The following LRBA variants were observed in gnomAD, a reference collection of about 807,000 sequenced individuals.
LRBA encodes LPS responsive beige-like anchor protein.
A neutral mutation model predicts 330.0 loss-of-function variants in LRBA; 176 were observed. The observed-to-expected ratio is 0.53, with a 90% CI of 0.47 to 0.60. LRBA has a LOEUF of 0.60. LRBA is among the 20% of genes least tolerant of loss of function. The probability of loss-of-function intolerance (pLI) is 0.00; values close to 1 mark genes in which losing one functional copy is unlikely to be tolerated. For missense variants in LRBA, 3,259 were observed against 3,444.8 expected, an observed-to-expected ratio of 0.95 and a Z score of 1.35; for synonymous variants, 1,230 against 1,193.0, an observed-to-expected ratio of 1.03 and a Z score of -0.64.
chr4:150,639,839 ATAT>A (rs1778466254), intron 37 of LRBA, among the ~76,000 whole-genome samples: 1 of 37,900 alleles, frequency 2.6e-5, no homozygotes, highest in African/African-American at 8.3e-5. Context: ...ATATATATAT[ATAT>A]ATATATATAT....
chr4:150,630,164 C>T (rs1029740066), intron 37 of LRBA, among the ~76,000 whole-genome samples: 2 of 152,126 alleles, frequency 1.3e-5, no homozygotes, highest in African/African-American at 2.4e-5. Flanking sequence ...ATTTTCAATC[C>T]ATGCCCACTA....
intron 37 of LRBA, among the ~76,000 whole-genome samples, chr4:150,682,693 A>C (rs1203398830): frequency 6.6e-6 from 1 of 152,116 alleles, no homozygotes; most frequent in Non-Finnish European, 1.5e-5. Context: ...AAGTTGATTA[A>C]AACACAAATG....
intron 30 of LRBA, among the ~76,000 whole-genome samples, chr4:150,821,322 A>G (rs1745405527): frequency 6.6e-6 from 1 of 152,238 alleles, no homozygotes; most frequent in Non-Finnish European, 1.5e-5. Flanking sequence ...ATGAATACTT[A>G]ATATTTGTGG....
rs201464189 is a variant in LRBA, at chr4:150,921,250, G to A, written c.593C>T (p.Pro198Leu). The A allele has an allele frequency of 4.8e-5, 77 of 1,613,276 alleles. No homozygotes were observed. Among genetic ancestry groups the A allele is most frequent in the Non-Finnish European group, 6.4e-5 (75 of 1,179,476 alleles). The change falls in exon 5 of 57, where the codon CCT becomes CTT. Residue 198 changes from proline (P) to leucine (L), a missense_variant. Pro to Leu is a moderately conservative substitution (Grantham distance 98). Transcript: ENST00000651943. ...GKLLSVLKHM[P>L]QKYGPDAFFN... Reference sequence around the variant, plus strand: ...AAAGGCATCAGGACCATACTTCTGAGGCATATGCTTTAACACAGACAGCAA... The same window carrying A: ...AAAGGCATCAGGACCATACTTCTGAAGCATATGCTTTAACACAGACAGCAA...
chr4:150,856,779 G>A (rs1243190041), intron 22 of LRBA, among the ~76,000 whole-genome samples: 1 of 152,136 alleles, frequency 6.6e-6, no homozygotes, highest in Non-Finnish European at 1.5e-5. Context: ...CCAGCTAAAA[G>A]ACTAGTCATT....
intron 2 of LRBA, among the ~76,000 whole-genome samples, chr4:150,949,319 A>G (rs986495090): frequency 6.6e-6 from 1 of 152,170 alleles, no homozygotes; most frequent in Admixed American, 6.5e-5. Flanking sequence ...CAGAGAACCA[A>G]TTGGTTTTTT....
intron 40 of LRBA, among the ~76,000 whole-genome samples, chr4:150,499,495 A>C (rs1759982493): frequency 6.6e-6 from 1 of 152,058 alleles, no homozygotes; most frequent in Non-Finnish European, 1.5e-5. Flanking sequence ...ATAAAATTAG[A>C]TGACTGAGGT....
Position 150,639,751 on chromosome 4 carries a change from A to ATATGTGTGTATG in LRBA, c.5922-40621_5922-40620insCATACACACATA, listed in dbSNP as rs1554070663. On this transcript the variant is annotated intron_variant, in intron 37 of 56. Transcript: ENST00000651943. The stretch of plus-strand genomic sequence containing the variant: ...CTATGCCCCAAATATATATATATAT[A>ATATGTGTGTATG]TATATATATATATATATATATATAT... 2.2e-3 allele frequency among the ~76,000 whole-genome samples: 12 copies of ATATGTGTGTATG among 5,508 alleles called. 2 individuals are homozygous for ATATGTGTGTATG. The highest frequency in any genetic ancestry group is 0.019 in the South Asian group (2 of 106). 3.6% of individuals were successfully genotyped at this position (5,508 alleles called of 152,430 possible). A position where few individuals can be genotyped will look rare whatever the true frequency, so the allele number is the denominator to read the frequency against.
At chr4:150,805,325 A>AAAGGAAAGGAAAGGAAAGGAGAAGGAG (rs1742471631) in intron 33 of LRBA, among the ~76,000 whole-genome samples, 1 of 134,452 alleles carries the variant, frequency 7.4e-6, no homozygotes, top group African/African-American at 3.0e-5. Flanking sequence ...AAAGGAAAGG[A>AAAGGAAAGGAAAGGAAAGGAGAAGGAG]AAGGAAAGGA....
intron 37 of LRBA, among the ~76,000 whole-genome samples, chr4:150,626,217 G>A (rs1208376005): frequency 6.6e-6 from 1 of 151,970 alleles, no homozygotes; most frequent in African/African-American, 2.4e-5. Flanking sequence ...TGATGCCCAG[G>A]GATCCTTTTG....
chr4:150,435,795 TG>T, intron 45 of LRBA, 87 bp from the exon 46 acceptor site: 1 of 972,006 alleles, frequency 1.0e-6, no homozygotes, highest in Non-Finnish European at 1.5e-6. Context: ...AATACTTTAA[TG>T]ACTAATAGGC....
At chr4:150,503,616 G>T (rs1760607926) in intron 40 of LRBA, among the ~76,000 whole-genome samples, 1 of 152,084 alleles carries the variant, frequency 6.6e-6, no homozygotes, top group Non-Finnish European at 1.5e-5. Context: ...AAGACCAAAG[G>T]TAGATAAAAC....
At chr4:150,667,975 A>T (rs113870611) in intron 37 of LRBA, among the ~76,000 whole-genome samples, 3 of 152,378 alleles carry the variant, frequency 2.0e-5, no homozygotes, top group African/African-American at 7.2e-5. Flanking sequence ...TATTCAAGCC[A>T]GTAAATTTGT....
Position 150,467,550 on chromosome 4 carries a change from AATTAT to A in LRBA, c.6780+118_6780+122del, listed in dbSNP as rs1320774925. 5.3e-6 allele frequency: 3 copies of A among 569,478 alleles called. No homozygotes were observed. The African/African-American group carries it at 5.8e-5, about 11-fold the overall frequency. The allele number at this position is 569,478 out of a possible 1,614,324, so 35.3% of individuals were successfully genotyped here. On this transcript the variant is annotated intron_variant, in intron 44 of 56. Transcript: ENST00000651943. ...CCATTTGAAAATCTGTTTAAGAGATAATTATATTAAAGGTACGACTATATTTGAAA... is the reference window on the plus strand; with the variant it reads ...CCATTTGAAAATCTGTTTAAGAGATAATTAAAGGTACGACTATATTTGAAA...
chr4:150,650,346 C>A (rs1190772366), intron 37 of LRBA, among the ~76,000 whole-genome samples: 2 of 152,084 alleles, frequency 1.3e-5, no homozygotes, highest in Non-Finnish European at 2.9e-5. Context: ...TTCCCAATTT[C>A]TATAAAATGT....
At chr4:150,276,862 T>G (rs1746848832) in intron 56 of LRBA, among the ~76,000 whole-genome samples, 1 of 152,174 alleles carries the variant, frequency 6.6e-6, no homozygotes, top group Non-Finnish European at 1.5e-5. Context: ...TAGAAGACAG[T>G]GTGGCAATTC....
intron 18 of LRBA, 50 bp from the exon 19 acceptor site, chr4:150,871,503 T>C: frequency 1.9e-6 from 2 of 1,052,192 alleles, no homozygotes; most frequent in Non-Finnish European, 3.0e-6. Context: ...TTCTGTGCTC[T>C]ACTTAATATG....
intron 36 of LRBA, among the ~76,000 whole-genome samples, chr4:150,730,846 C>T (rs1031440941): frequency 6.6e-6 from 1 of 151,260 alleles, no homozygotes; most frequent in African/African-American, 2.4e-5. Flanking sequence ...AGCGAAACCC[C>T]ATCTCTACTA....
At chr4:150,854,917 C>T (rs986252987) in intron 22 of LRBA, among the ~76,000 whole-genome samples, 1 of 152,140 alleles carries the variant, frequency 6.6e-6, no homozygotes, top group Non-Finnish European at 1.5e-5. Context: ...TCTGAGAGAG[C>T]CATTTGAGAA....
Sources: allele counts gnomAD v4.1 joint callset (sites outside exome capture counted in the v4.1 genomes callset), GRCh38; gene constraint gnomAD v4.1.1; transcripts MANE v1.5; gene names NCBI Gene and HGNC (gene_info 2026-07-23, HGNC 2026-07-21).